SCAMP3: variants seen among roughly 807,000 people sequenced by gnomAD.
SCAMP3 encodes secretory carrier-associated membrane protein 3.
In SCAMP3, 30 loss-of-function variants were observed where a neutral mutation model predicts 44.1. The ratio of observed to expected loss-of-function variants is 0.68; its 90% CI spans 0.51 to 0.92. The LOEUF is 0.92. Among genes scored for constraint, SCAMP3 ranks in the 40% least tolerant of loss-of-function variants. The pLI is 0.00. For missense variants in SCAMP3, 394 were observed against 440.0 expected, an observed-to-expected ratio of 0.90 and a Z score of 0.93; for synonymous variants, 168 against 171.1, an observed-to-expected ratio of 0.98 and a Z score of 0.14.
At position 155,256,280 on chromosome 1, in the gene SCAMP3, G is replaced by T; in HGVS notation, c.1037C>A (p.Ala346Asp). Residue 346 changes from alanine to aspartate, a missense_variant, in exon 9 of 9, where the codon GCC (alanine) becomes GAC (aspartate). Coordinates refer to ENST00000302631, the MANE Select transcript of SCAMP3 (RefSeq NM_005698.4). ...AAGAAENAFR[A>D]P ...GGGCATCCCAGTCAGGGGTCACGGGGCCCGGAAGGCATTTTCAGCAGCCCC... is the reference window on the plus strand; with the variant it reads ...GGGCATCCCAGTCAGGGGTCACGGGTCCCGGAAGGCATTTTCAGCAGCCCC... 1 of 1,575,462 alleles carries T rather than the reference G, an allele frequency of 6.3e-7. No homozygotes were observed. The highest frequency in any genetic ancestry group is 8.6e-7 in the Non-Finnish European group (1 of 1,156,492).
Position 155,256,776 on chromosome 1 carries a change from A to G in SCAMP3, c.795T>C (p.Ala265=). Residue 265 remains alanine, a synonymous_variant, in exon 8 of 9, where the codon GCT becomes GCC. Coordinates refer to ENST00000302631, the MANE Select transcript of SCAMP3 (RefSeq NM_005698.4). ...CTGTGTTGCCCTTCGGCACCACCAG[A>G]GCAGAGATCCAGCCACTGTAAAGGG... ...PGWGFSGWIS[A]LVVPKGNTAV... 1 of 1,614,080 alleles carries G rather than the reference A, an allele frequency of 6.2e-7. No homozygotes were observed. The highest frequency in any genetic ancestry group is 8.5e-7 in the Non-Finnish European group (1 of 1,179,944).
Position 155,261,704 on chromosome 1 carries a change from G to T in SCAMP3, c.97C>A (p.Arg33=), listed in dbSNP as rs768232694. The T allele has an allele frequency of 6.8e-6, 11 of 1,614,058 alleles. No individual in the cohort carries two copies. The highest frequency in any genetic ancestry group is 9.3e-6 in the Non-Finnish European group (11 of 1,180,024). The change falls in exon 2 of 9, where the codon CGG becomes AGG. Residue 33 remains arginine (R), a synonymous_variant. Transcript: ENST00000302631. Reference sequence around the variant, plus strand: ...TAGACGTCAAGCGTGGCATACTGCCGGCTGGGTCGGTGCTGGATCACAGCT... The same window carrying T: ...TAGACGTCAAGCGTGGCATACTGCCTGCTGGGTCGGTGCTGGATCACAGCT... ...DPAVIQHRPS[R]QYATLDVYNP... is the part of the protein sequence containing the mutation.
chr1:155,256,552 G>A, intron 8 of SCAMP3, 122 bp downstream of exon 8: 3 of 1,362,684 alleles, frequency 2.2e-6, no homozygotes, highest in Non-Finnish European at 3.1e-6. Context: ...ACACCCCAGA[G>A]GTCCATTAGC....
In SCAMP3 at chr1:155,256,098, C is replaced by T. The variant is rs2148115708; in HGVS notation, c.*175G>A. ...GCAGCAGTGTGGCCTGATGGGGGGACTAGGTCACAGTGAACTCCCCACACG... is the reference window on the plus strand; with the variant it reads ...GCAGCAGTGTGGCCTGATGGGGGGATTAGGTCACAGTGAACTCCCCACACG... On this transcript the variant is annotated 3_prime_UTR_variant, in exon 9 of 9. Transcript: ENST00000302631. 1 of 525,018 alleles carries T rather than the reference C, an allele frequency of 1.9e-6. No individual in the cohort carries two copies. Among genetic ancestry groups the T allele is most frequent in the African/African-American group, 2.0e-5 (1 of 51,160 alleles). The allele number at this position is 525,018 out of a possible 1,614,324, so 32.5% of individuals were successfully genotyped here.
intron 4 of SCAMP3, 95 bp from the exon 5 acceptor site, chr1:155,259,049 T>C (rs1170373921): frequency 1.4e-5 from 8 of 559,696 alleles, no homozygotes; most frequent in South Asian, 5.8e-5. Flanking sequence ...ATCCTCTCTT[T>C]TTTTTTTTTT....
rs1672842762 is a variant in SCAMP3 at position 155,257,668 on chromosome 1, G to A, written c.518-11C>T. On this transcript the variant is annotated splice_polypyrimidine_tract_variant and intron_variant, in intron 5 of 8. Transcript: ENST00000302631. ...GAGCCAGCGTGCTGCCTAAGGGGCA[G>A]AGGGACAGGATGAGGAGCCCTTCTG... The A allele has an allele frequency of 6.4e-6, 10 of 1,552,408 alleles. No individual in the cohort carries two copies. The highest frequency in any genetic ancestry group is 8.7e-6 in the Non-Finnish European group (10 of 1,147,980).
chr1:155,258,318 CTTTTTTTTTTTTTTTTTTTTTTTTTTT>C (rs71996352), intron 5 of SCAMP3, among the ~76,000 whole-genome samples: 1 of 86,510 alleles, frequency 1.2e-5, no homozygotes. Flanking sequence ...CGTGCCCGGC[CTTTTTTTTTTTTTTTTTTTTTTTTTTT>C]TTTTTTTTGA....
At chr1:155,259,462 GC>G (rs1557926099) in intron 4 of SCAMP3, among the ~76,000 whole-genome samples, 1 of 152,078 alleles carries the variant, frequency 6.6e-6, no homozygotes, top group Non-Finnish European at 1.5e-5. Context: ...GAGCCCCGGC[GC>G]CTGGCCGTCC....
At chr1:155,259,205 G>A (rs1379517326) in intron 4 of SCAMP3, among the ~76,000 whole-genome samples, 1 of 129,504 alleles carries the variant, frequency 7.7e-6, no homozygotes. Context: ...ATAGAGTTTC[G>A]CTCTTGTTGC....
intron 5 of SCAMP3, among the ~76,000 whole-genome samples, chr1:155,257,862 T>C (rs990451865): frequency 1.3e-5 from 2 of 149,628 alleles, no homozygotes; most frequent in Non-Finnish European, 3.0e-5. Flanking sequence ...TTTTTTTTTT[T>C]GAGACGGAGT....
Position 155,256,659 on chromosome 1 carries a change from C to A in SCAMP3, c.897+15G>T. 1 of 1,608,698 alleles carries A rather than the reference C, an allele frequency of 6.2e-7. No homozygotes were observed. Among genetic ancestry groups the A allele is most frequent in the Non-Finnish European group, 8.5e-7 (1 of 1,175,026 alleles). ...GATCTCACCATCCCGGCCCCACCTT[C>A]GACACAGCCCTCACCCGTTTCAGCA... is the stretch of plus-strand genomic sequence containing the variant. On this transcript the variant is annotated intron_variant, in intron 8 of 8. Transcript: ENST00000302631.
At chr1:155,260,916 T>G (rs1054243168) in intron 2 of SCAMP3, among the ~76,000 whole-genome samples, 3 of 67,018 alleles carry the variant, frequency 4.5e-5, no homozygotes, top group African/African-American at 1.8e-4. Flanking sequence ...TTAACTGTGT[T>G]TTTTTTTTTT....
chr1:155,259,145 C>A, intron 4 of SCAMP3, among the ~76,000 whole-genome samples, 191 bp from the exon 5 acceptor site: 2 of 144,892 alleles, frequency 1.4e-5, no homozygotes, highest in East Asian at 2.0e-4. Context: ...CTCCTGGGCT[C>A]AAGCAACCCT....
At chr1:155,261,519 A>G in intron 2 of SCAMP3, 138 bp downstream of exon 2, 1 of 805,898 alleles carries the variant, frequency 1.2e-6, no homozygotes, top group Non-Finnish European at 2.1e-6. Context: ...CCCATGGCTG[A>G]CTAGCCTCTC....
rs998270228 is a variant in SCAMP3, at chr1:155,260,462, G to A, written c.268-12C>T. ...GCTGCAGCTGAGGCCTGCCCAGTGT[G>A]AGCAGACGGAGATGTGAGCCCTGGG... On this transcript the variant is annotated splice_polypyrimidine_tract_variant and intron_variant, in intron 3 of 8. Coordinates refer to ENST00000302631, the MANE Select transcript of SCAMP3 (RefSeq NM_005698.4). 3 of 1,614,166 alleles carry A rather than the reference G, an allele frequency of 1.9e-6. No individual in the cohort carries two copies. Among genetic ancestry groups the A allele is most frequent in the African/African-American group, 1.3e-5 (1 of 75,044 alleles).
chr1:155,261,976 G>A lies in SCAMP3; in HGVS notation c.66+110C>T, dbSNP rs541350087. On this transcript the variant is annotated intron_variant, in intron 1 of 8. Coordinates refer to ENST00000302631, the MANE Select transcript of SCAMP3 (RefSeq NM_005698.4). ...TGGAGTCACTGTCACCCCACGTGGC[G>A]GCTCTTCCCAGGATCAAATGTCACA... is the stretch of plus-strand genomic sequence containing the variant. 7.5e-5 allele frequency: 85 copies of A among 1,140,210 alleles called. No homozygotes were observed. The African/African-American group carries it at 1.2e-3, about 16-fold the overall frequency. The allele number at this position is 1,140,210 out of a possible 1,614,324, so 70.6% of individuals were successfully genotyped here.
Position 155,262,277 on chromosome 1 carries a change from G to C in SCAMP3, c.-126C>G. The C allele has an allele frequency of 3.5e-6, 3 of 860,090 alleles. No homozygotes were observed. Among genetic ancestry groups the C allele is most frequent in the Non-Finnish European group, 5.3e-6 (3 of 565,232 alleles). The allele number at this position is 860,090 out of a possible 1,614,324, so 53.3% of individuals were successfully genotyped here. A position where few individuals can be genotyped will look rare whatever the true frequency, so the allele number is the denominator to read the frequency against. On this transcript the variant is annotated 5_prime_UTR_variant, in exon 1 of 9. Transcript: ENST00000302631. The stretch of plus-strand genomic sequence containing the variant: ...GCCCCGCTTCTCTGTGCACGGATTG[G>C]TTCCACCGACCGGAAGGGCCACAAG...
chr1:155,256,633 T>G, intron 8 of SCAMP3, 41 bp downstream of exon 8: 2 of 1,560,470 alleles, frequency 1.3e-6, no homozygotes, highest in Non-Finnish European at 1.8e-6. Flanking sequence ...TGGGGACCCA[T>G]GATCTCACCA....
Position 155,260,315 on chromosome 1 carries a change from C to G in SCAMP3, c.388+15G>C. ...TCCCAAACTCTCAGATGCTCTTCCCCACTCTATTACTTACTAGCTGTGCCC... is the reference window on the plus strand; with the variant it reads ...TCCCAAACTCTCAGATGCTCTTCCCGACTCTATTACTTACTAGCTGTGCCC... On this transcript the variant is annotated intron_variant, in intron 4 of 8. Coordinates refer to ENST00000302631, the MANE Select transcript of SCAMP3 (RefSeq NM_005698.4). The G allele has an allele frequency of 6.2e-7, 1 of 1,608,870 alleles. No homozygotes were observed. Among genetic ancestry groups the G allele is most frequent in the Non-Finnish European group, 8.5e-7 (1 of 1,179,920 alleles).
Sources: gnomAD v4.1 joint callset for allele counts (sites outside exome capture counted in the v4.1 genomes callset) on GRCh38, gnomAD v4.1.1 for gene constraint, MANE v1.5 for transcripts, NCBI Gene and HGNC (gene_info 2026-07-23, HGNC 2026-07-21) for gene names.